GALNT17: variants seen among roughly 807,000 people sequenced by gnomAD.
GALNT17 encodes UDP-GalNAc:polypeptide N-acetylgalactosaminyltransferase-like 3.
In GALNT17, 29 loss-of-function variants were observed where a neutral mutation model predicts 63.7. That is an observed-to-expected ratio of 0.46 (90% confidence interval 0.34 to 0.62). GALNT17 has a LOEUF of 0.62. Among genes scored for constraint, GALNT17 ranks in the 20% least tolerant of loss-of-function variants. GALNT17 has a pLI of 0.01. For missense variants in GALNT17, 603 were observed against 799.6 expected (o/e 0.75, Z 2.97); for synonymous variants, 305 against 318.3 (o/e 0.96, Z 0.45).
At chr7:71,365,622 T>C (rs938326377) in intron 2 of GALNT17, among the ~76,000 whole-genome samples, 3 of 152,212 alleles carry the variant, frequency 2.0e-5, no homozygotes, top group Admixed American at 6.5e-5. Flanking sequence ...TGTGCAGATG[T>C]CTCCTATGAT....
At chr7:71,316,021 A>G (rs1791491994) in intron 1 of GALNT17, among the ~76,000 whole-genome samples, 1 of 152,184 alleles carries the variant, frequency 6.6e-6, no homozygotes. Context: ...GAACACAGGG[A>G]AACCAACTTA....
chr7:71,486,334 AAATAAT>A (rs68046826), intron 5 of GALNT17, among the ~76,000 whole-genome samples: 22,619 of 133,018 alleles, frequency 0.17, 1,966 homozygotes, highest in Admixed American at 0.19. Flanking sequence ...GCCTGTCTGA[AAATAAT>A]AATAATAATA....
chr7:71,160,930 C>T (rs959742677), intron 1 of GALNT17, among the ~76,000 whole-genome samples: 2 of 152,036 alleles, frequency 1.3e-5, no homozygotes, highest in Non-Finnish European at 2.9e-5. Context: ...TAACCTTGAA[C>T]TCAAGCGGCC....
At chr7:71,353,892 G>A (rs1367423253) in intron 2 of GALNT17, among the ~76,000 whole-genome samples, 1 of 152,178 alleles carries the variant, frequency 6.6e-6, no homozygotes, top group African/African-American at 2.4e-5. Flanking sequence ...GGTGTCACAG[G>A]CTATATAGGA....
intron 1 of GALNT17, among the ~76,000 whole-genome samples, chr7:71,162,152 C>T (rs866074127): frequency 1.4e-4 from 19 of 137,670 alleles, no homozygotes; most frequent in African/African-American, 4.3e-4. Context: ...TTCCTTCCTT[C>T]CTTCCTTCCT....
intron 4 of GALNT17, among the ~76,000 whole-genome samples, chr7:71,420,114 G>A (rs1471731081): frequency 6.6e-6 from 1 of 152,126 alleles, no homozygotes; most frequent in Non-Finnish European, 1.5e-5. Flanking sequence ...CTCGAATATG[G>A]GAAATGATCC....
At chr7:71,498,310 C>CT (rs1204971798) in intron 5 of GALNT17, among the ~76,000 whole-genome samples, 2 of 151,970 alleles carry the variant, frequency 1.3e-5, no homozygotes, top group Non-Finnish European at 2.9e-5. Context: ...ACCCCCGTCT[C>CT]TACTAAAAAT....
intron 6 of GALNT17, among the ~76,000 whole-genome samples, chr7:71,593,419 C>T (rs999984170): frequency 6.6e-5 from 10 of 151,922 alleles, no homozygotes; most frequent in Non-Finnish European, 1.2e-4. Context: ...GTGCGTGCCA[C>T]GACACCCAGC....
chr7:71,485,939 A>C (rs2116656950), intron 5 of GALNT17, among the ~76,000 whole-genome samples: 1 of 152,310 alleles, frequency 6.6e-6, no homozygotes, highest in East Asian at 1.9e-4. Context: ...GATTGGAGCA[A>C]AATGGTGTTT....
chr7:71,534,366 G>A (rs1273439070), intron 5 of GALNT17, among the ~76,000 whole-genome samples: 1 of 152,010 alleles, frequency 6.6e-6, no homozygotes, highest in Non-Finnish European at 1.5e-5. Flanking sequence ...TTGGGAGGCC[G>A]AGGCGGGCAG....
chr7:71,505,241 C>T (rs1173715617), intron 5 of GALNT17, among the ~76,000 whole-genome samples: 1 of 152,150 alleles, frequency 6.6e-6, no homozygotes, highest in Admixed American at 6.6e-5. Context: ...ACGTGCTAGT[C>T]CCACTGTTGG....
intron 1 of GALNT17, among the ~76,000 whole-genome samples, chr7:71,304,089 G>A (rs1791247248): frequency 6.6e-6 from 1 of 152,106 alleles, no homozygotes; most frequent in African/African-American, 2.4e-5. Flanking sequence ...CAATACCCTT[G>A]AGCACACCTT....
chr7:71,622,367 G>T (rs1790306278), intron 6 of GALNT17, among the ~76,000 whole-genome samples: 1 of 152,106 alleles, frequency 6.6e-6, no homozygotes, highest in African/African-American at 2.4e-5. Context: ...TCAAACACTG[G>T]ACACAGAAGA....
At chr7:71,536,375 T>C (rs1177283597) in intron 5 of GALNT17, among the ~76,000 whole-genome samples, 1 of 152,122 alleles carries the variant, frequency 6.6e-6, no homozygotes, top group Non-Finnish European at 1.5e-5. Flanking sequence ...GGAAGACAGG[T>C]CTTCAGCTTT....
intron 1 of GALNT17, among the ~76,000 whole-genome samples, chr7:71,248,390 CAG>C (rs960532454): frequency 5.9e-5 from 9 of 152,256 alleles, no homozygotes; most frequent in East Asian, 1.9e-4. Context: ...CTTGCCGTCT[CAG>C]GGGTGGTCAA....
At chr7:71,297,377 C>T (rs1263777192) in intron 1 of GALNT17, among the ~76,000 whole-genome samples, 2 of 152,188 alleles carry the variant, frequency 1.3e-5, no homozygotes, top group African/African-American at 4.8e-5. Flanking sequence ...AACCCTGTCT[C>T]TACCAAAAAT....
At chr7:71,310,723 T>C (rs911150462) in intron 1 of GALNT17, among the ~76,000 whole-genome samples, 25 of 152,216 alleles carry the variant, frequency 1.6e-4, no homozygotes, top group African/African-American at 6.0e-4. Flanking sequence ...CCTTCCAGAA[T>C]CTTTTCAGAA....
chr7:71,258,102 C>T (rs1301598635), intron 1 of GALNT17, among the ~76,000 whole-genome samples: 8 of 152,216 alleles, frequency 5.3e-5, no homozygotes, highest in Non-Finnish European at 2.9e-5. Flanking sequence ...TAATGGCTGC[C>T]CTTGCACTCA....
In GALNT17 at chr7:71,448,154, T is replaced by C. The variant is rs528398743; in HGVS notation, c.962+27049T>C. ...TGTCTTCTTACTTCCAACATGGCTA[T>C]TGGAGAGTTCAGAGACATTCTGACT... On this transcript the variant is annotated intron_variant, in intron 5 of 10. Transcript: ENST00000333538. Among the ~76,000 whole-genome samples the C allele has an allele frequency of 5.9e-5, 9 of 152,336 alleles. No homozygotes were observed. In the East Asian group the frequency reaches 1.5e-3, roughly 26 times the overall value.
Sources: gnomAD v4.1 joint callset for allele counts (sites outside exome capture counted in the v4.1 genomes callset) on GRCh38, gnomAD v4.1.1 for gene constraint, MANE v1.5 for transcripts, NCBI Gene and HGNC (gene_info 2026-07-23, HGNC 2026-07-21) for gene names.